Variants in MTUS1 observed in about 807,000 individuals in gnomAD.
MTUS1 encodes the protein microtubule associated scaffold protein 1.
MTUS1 carries 109 observed loss-of-function variants against 120.8 expected under a neutral mutation model. The observed-to-expected ratio is 0.90, with a 90% CI of 0.77 to 1.06. The LOEUF (loss-of-function observed/expected upper bound fraction) is 1.06. Ranked by LOEUF, MTUS1 falls within the 50% of genes least tolerant of loss-of-function variation. The pLI is 0.00. For missense variants in MTUS1, 2,210 were observed against 1,486.3 expected (o/e 1.49, Z -8.01); for synonymous variants, 737 against 550.5 (o/e 1.34, Z -4.74).
chr8:17,759,585 T>C (rs1241921245), intron 1 of MTUS1, among the ~76,000 whole-genome samples: 3 of 148,356 alleles, frequency 2.0e-5, no homozygotes, highest in Admixed American at 1.3e-4. Context: ...CATGTTACTA[T>C]ATATGTATAT....
rs972923258 is a variant in MTUS1 at position 17,645,109 on chromosome 8, A to T, written c.*817T>A. 6.6e-6 allele frequency: 1 copy of T among 152,622 alleles called. No individual in the cohort carries two copies. The highest frequency in any genetic ancestry group is 1.5e-5 in the Non-Finnish European group (1 of 68,040). The allele number at this position is 152,622 out of a possible 1,614,324, so 9.5% of individuals were successfully genotyped here. ...AGAAAAATTAGGGTTCTACATTTAC[A>T]CATAGCCTGAGAAAATGAATTACAG... is the stretch of plus-strand genomic sequence containing the variant. On this transcript the variant is annotated 3_prime_UTR_variant, in exon 15 of 15. Coordinates refer to ENST00000693296, the MANE Select transcript of MTUS1 (RefSeq NM_001363059.2).
chr8:17,776,143 GAAAA>G, intron 1 of MTUS1, among the ~76,000 whole-genome samples: 1 of 148,846 alleles, frequency 6.7e-6, no homozygotes, highest in African/African-American at 2.5e-5. Context: ...ATAGTCGGGA[GAAAA>G]AAAAACAACA....
At chr8:17,764,025 C>T (rs140042489) in intron 1 of MTUS1, among the ~76,000 whole-genome samples, 1 of 152,230 alleles carries the variant, frequency 6.6e-6, no homozygotes, top group Admixed American at 6.5e-5. Context: ...TTGTAAACAG[C>T]CACCCAGATC....
At chr8:17,798,009 A>G (rs1433754323) in intron 1 of MTUS1, among the ~76,000 whole-genome samples, 1 of 152,224 alleles carries the variant, frequency 6.6e-6, no homozygotes, top group Non-Finnish European at 1.5e-5. Flanking sequence ...TATGCAGTAC[A>G]TTTGTCTGGA....
chr8:17,749,255 G>C (rs75625466), intron 2 of MTUS1, among the ~76,000 whole-genome samples: 6,695 of 152,176 alleles, frequency 0.044, 252 homozygotes, highest in East Asian at 0.18. Flanking sequence ...CCGGCTACCT[G>C]AAGGTTTCAT....
intron 8 of MTUS1, among the ~76,000 whole-genome samples, chr8:17,658,236 A>G (rs973635189): frequency 6.6e-6 from 1 of 152,154 alleles, no homozygotes; most frequent in Non-Finnish European, 1.5e-5. Context: ...TGGTTTTACC[A>G]TGTTGGTCAG....
Position 17,731,790 on chromosome 8 carries a change from GA to G in MTUS1, c.2288-7958del, listed in dbSNP as rs2046603006. Among the ~76,000 whole-genome samples, 3 of 152,320 alleles carry G rather than the reference GA, an allele frequency of 2.0e-5. No individual in the cohort carries two copies. In the South Asian group the frequency reaches 6.2e-4, roughly 32 times the overall value. On this transcript the variant is annotated intron_variant, in intron 3 of 14. Coordinates refer to ENST00000693296, the MANE Select transcript of MTUS1 (RefSeq NM_001363059.2). ...CTCTTGATGAAACAATGAATACAAA[GA>G]GTTGATAACTTTTATTATTATTCTT... is the stretch of plus-strand genomic sequence containing the variant.
intron 1 of MTUS1, among the ~76,000 whole-genome samples, chr8:17,762,048 G>C (rs938933006): frequency 7.2e-5 from 11 of 152,150 alleles, no homozygotes; most frequent in Admixed American, 6.5e-4. Flanking sequence ...GGGAAGCCGA[G>C]GTGGGCGGAT....
chr8:17,754,435 T>C lies in MTUS1; in HGVS notation c.1373A>G (p.Asn458Ser). The change falls in exon 2 of 15, where the codon AAT becomes AGT. Residue 458 changes from asparagine (N) to serine (S), a missense_variant. By Grantham distance (46) the Asn-to-Ser change is conservative. Transcript: ENST00000693296. ...GTCTGGTATGTTTTTAAGCCCTCGA[T>C]TACCCTTCTCCACTTTCTTACATTT... ...TEKCKKVEKGNRGLKNIPDSK... is the reference protein window; with the variant it reads ...TEKCKKVEKGSRGLKNIPDSK... 6.2e-7 allele frequency: 1 copy of C among 1,614,220 alleles called. No individual in the cohort carries two copies. Among genetic ancestry groups the C allele is most frequent in the Non-Finnish European group, 8.5e-7 (1 of 1,180,032 alleles).
chr8:17,791,138 T>C (rs2051749283), intron 1 of MTUS1, among the ~76,000 whole-genome samples: 3 of 152,188 alleles, frequency 2.0e-5, no homozygotes, highest in African/African-American at 4.8e-5. Flanking sequence ...CCCAGTTCCA[T>C]AACTTACTCG....
At chr8:17,768,366 G>C (rs894523927) in intron 1 of MTUS1, among the ~76,000 whole-genome samples, 2 of 152,070 alleles carry the variant, frequency 1.3e-5, no homozygotes, top group Non-Finnish European at 2.9e-5. Context: ...ATGAATAAGA[G>C]ATCTGGGTTA....
intron 1 of MTUS1, among the ~76,000 whole-genome samples, chr8:17,761,313 G>C (rs1047736428): frequency 5.3e-5 from 8 of 152,100 alleles, no homozygotes; most frequent in Non-Finnish European, 1.0e-4. Context: ...TTCATGTGAA[G>C]AGACACACCT....
At chr8:17,657,769 A>G (rs1318004927) in intron 8 of MTUS1, among the ~76,000 whole-genome samples, 2 of 143,096 alleles carry the variant, frequency 1.4e-5, no homozygotes, top group African/African-American at 5.1e-5. Context: ...TGAGGCTGCA[A>G]CTGTTGGGCA....
chr8:17,712,549 G>C (rs1417042351), intron 6 of MTUS1, among the ~76,000 whole-genome samples: 1 of 152,062 alleles, frequency 6.6e-6, no homozygotes, highest in Non-Finnish European at 1.5e-5. Context: ...ATGTTGGCCA[G>C]GCTGGTCTTG....
At chr8:17,799,017 ATT>A (rs34607430) in intron 1 of MTUS1, among the ~76,000 whole-genome samples, 69 of 149,420 alleles carry the variant, frequency 4.6e-4, no homozygotes, top group African/African-American at 1.7e-3. Context: ...CCTGGGAAGA[ATT>A]TTTTTTTTTT....
intron 9 of MTUS1, among the ~76,000 whole-genome samples, chr8:17,655,623 T>G (rs1808036710): frequency 6.6e-6 from 1 of 151,394 alleles, no homozygotes; most frequent in African/African-American, 2.4e-5. Flanking sequence ...ACTCAGGAGG[T>G]TGAGGAAGGA....
In MTUS1 at chr8:17,755,642, C is replaced by G. The variant is rs370181807; in HGVS notation, c.166G>C (p.Val56Leu). The change falls in exon 2 of 15, where the codon GTT becomes CTT. Residue 56 changes from valine (V) to leucine (L), a missense_variant. By Grantham distance (32) the Val-to-Leu change is conservative. Coordinates refer to ENST00000693296, the MANE Select transcript of MTUS1 (RefSeq NM_001363059.2). ...WNSANPDDMV[V>L]DYETDPAVVT... is the part of the protein sequence containing the mutation. ...ACAGCAGGGTCAGTTTCATAATCAA[C>G]CACCATGTCATCTGGGTTGGCAGAA... is the stretch of plus-strand genomic sequence containing the variant. 4.3e-6 allele frequency: 7 copies of G among 1,614,224 alleles called. No homozygotes were observed. In the South Asian group the frequency reaches 7.7e-5, roughly 18 times the overall value.
intron 6 of MTUS1, among the ~76,000 whole-genome samples, chr8:17,699,766 G>C (rs1585785985): frequency 6.6e-6 from 1 of 152,170 alleles, no homozygotes. Context: ...GTGCACCAAA[G>C]CAAGGGAGCT....
intron 3 of MTUS1, among the ~76,000 whole-genome samples, chr8:17,731,875 C>A (rs2979779): frequency 0.15 from 22,132 of 152,184 alleles, 1,692 homozygotes; most frequent in Middle Eastern, 0.18. Context: ...ATTCCTAATC[C>A]CCATCACCAT....
Sources: gnomAD v4.1 joint callset for allele counts (sites outside exome capture counted in the v4.1 genomes callset) on GRCh38, gnomAD v4.1.1 for gene constraint, MANE v1.5 for transcripts, NCBI Gene and HGNC (gene_info 2026-07-23, HGNC 2026-07-21) for gene names.